Variants in PCLO observed in about 807,000 individuals in gnomAD.
The protein encoded by PCLO is piccolo presynaptic cytomatrix protein, also known as protein piccolo.
Under a neutral mutation model 427.5 loss-of-function variants are expected in PCLO, and 82 were observed. The ratio of observed to expected loss-of-function variants is 0.19; its 90% CI spans 0.16 to 0.23. The LOEUF is 0.23. Ranked by LOEUF, PCLO falls within the 10% of genes least tolerant of loss-of-function variation. PCLO has a pLI of 1.00. For missense variants in PCLO, 6,239 were observed against 6,115.9 expected, an observed-to-expected ratio of 1.02 and a Z score of -0.67; for synonymous variants, 2,357 against 2,155.4, an observed-to-expected ratio of 1.09 and a Z score of -2.59.
rs528267525 is a variant in PCLO, at chr7:82,776,157, T to C, written c.15008-14664A>G. On this transcript the variant is annotated intron_variant, in intron 22 of 24. Transcript: ENST00000333891. ...TTTCCCTTGCAATTTTTATGTACCT[T>C]TGCATCTAATTTCATTTTCTTTTCA... Among the ~76,000 whole-genome samples the C allele has an allele frequency of 6.8e-4, 104 of 152,340 alleles. 1 individual carries two copies. Among genetic ancestry groups the C allele is most frequent in the African/African-American group, 2.4e-3 (99 of 41,580 alleles).
At chr7:83,053,706 T>C (rs1374406017) in intron 3 of PCLO, among the ~76,000 whole-genome samples, 1 of 151,960 alleles carries the variant, frequency 6.6e-6, no homozygotes, top group East Asian at 1.9e-4. Context: ...TCTAAATCCA[T>C]CTAATTATTC....
At chr7:82,967,245 G>C (rs138458993) in intron 3 of PCLO, among the ~76,000 whole-genome samples, 1 of 141,416 alleles carries the variant, frequency 7.1e-6, no homozygotes, top group African/African-American at 2.6e-5. Context: ...GTGCGATCTC[G>C]GCTCGCTGCA....
At chr7:82,963,467 G>A (rs1273906666) in intron 4 of PCLO, among the ~76,000 whole-genome samples, 1 of 151,624 alleles carries the variant, frequency 6.6e-6, no homozygotes, top group Non-Finnish European at 1.5e-5. Context: ...AAAAAAAAAG[G>A]TAGCAATACA....
At chr7:83,002,817 C>G (rs965976647) in intron 3 of PCLO, among the ~76,000 whole-genome samples, 1 of 151,810 alleles carries the variant, frequency 6.6e-6, no homozygotes, top group African/African-American at 2.4e-5. Flanking sequence ...TAAATATTTA[C>G]TATGCAAATA....
intron 3 of PCLO, among the ~76,000 whole-genome samples, chr7:83,001,712 T>G (rs1206957825): frequency 6.6e-6 from 1 of 152,076 alleles, no homozygotes; most frequent in Non-Finnish European, 1.5e-5. Flanking sequence ...TGGCCTCATG[T>G]GCATGTCTGC....
intron 3 of PCLO, among the ~76,000 whole-genome samples, chr7:83,124,340 C>T (rs1451290893): frequency 1.5e-5 from 2 of 135,352 alleles, no homozygotes; most frequent in Non-Finnish European, 1.5e-5. Flanking sequence ...GGCGGAAGAG[C>T]GAGACTCCGT....
At chr7:82,763,055 G>C (rs1347787530) in intron 22 of PCLO, among the ~76,000 whole-genome samples, 1 of 152,004 alleles carries the variant, frequency 6.6e-6, no homozygotes. Flanking sequence ...TTGTATTTTG[G>C]TATGTGGCAT....
intron 3 of PCLO, among the ~76,000 whole-genome samples, chr7:83,130,513 G>C (rs1416667078): frequency 3.3e-5 from 5 of 152,110 alleles, no homozygotes; most frequent in Non-Finnish European, 7.3e-5. Context: ...CTAATTAATG[G>C]TAGAATTCTT....
At chr7:82,974,717 T>A (rs542931037) in intron 3 of PCLO, among the ~76,000 whole-genome samples, 8 of 152,318 alleles carry the variant, frequency 5.3e-5, no homozygotes, top group African/African-American at 1.4e-4. Context: ...AGTTAATTTT[T>A]AAAATGTAAT....
chr7:82,881,561 G>A (rs1475960156), intron 9 of PCLO, among the ~76,000 whole-genome samples: 1 of 152,106 alleles, frequency 6.6e-6, no homozygotes, highest in African/African-American at 2.4e-5. Flanking sequence ...TGACAATCCT[G>A]TGAGAAATGA....
At chr7:82,912,276 T>C (rs1212704427) in intron 7 of PCLO, among the ~76,000 whole-genome samples, 2 of 151,878 alleles carry the variant, frequency 1.3e-5, no homozygotes, top group East Asian at 1.9e-4. Context: ...GAATTATTGA[T>C]TGGAAAAAAG....
Position 83,134,794 on chromosome 7 carries a change from T to C in PCLO, c.2756A>G (p.Gln919Arg). 1 of 1,613,846 alleles carries C rather than the reference T, an allele frequency of 6.2e-7. No homozygotes were observed. Among genetic ancestry groups the C allele is most frequent in the Non-Finnish European group, 8.5e-7 (1 of 1,179,856 alleles). ...CACGGTCTCTTGAGGAGTTGTAGGC[T>C]GTGATTTGGGGGCATCAGTAATACT... is the stretch of plus-strand genomic sequence containing the variant. Reference protein sequence around the residue: ...LGSITDAPKSQPTTPQETVTG... With the variant: ...LGSITDAPKSRPTTPQETVTG... The change falls in exon 3 of 25, where the codon CAG becomes CGG. Residue 919 changes from glutamine to arginine, a missense_variant. Physicochemically the swap from Gln to Arg is conservative, Grantham distance 43. Around this residue, in one of 5 missense-constraint regions of PCLO, gnomAD observed 4,677 missense variants for 4,468.4 expected, o/e 1.05. Transcript: ENST00000333891.
At chr7:82,928,459 T>A (rs1794765243) in intron 6 of PCLO, among the ~76,000 whole-genome samples, 2 of 152,124 alleles carry the variant, frequency 1.3e-5, no homozygotes, top group South Asian at 4.1e-4. Flanking sequence ...TGCAGTGGCA[T>A]GACCTCCACC....
intron 3 of PCLO, among the ~76,000 whole-genome samples, chr7:83,093,479 T>TAG (rs1790436713): frequency 1.3e-5 from 1 of 76,980 alleles, no homozygotes; most frequent in East Asian, 4.4e-4. Context: ...TGTGTATAGA[T>TAG]ATATATATAT....
At chr7:83,022,173 C>T (rs1361275594) in intron 3 of PCLO, among the ~76,000 whole-genome samples, 3 of 152,002 alleles carry the variant, frequency 2.0e-5, no homozygotes, top group South Asian at 2.1e-4. Context: ...GGTCTCCTCC[C>T]CCATGAAAGG....
chr7:83,074,028 A>G (rs192622274), intron 3 of PCLO, among the ~76,000 whole-genome samples: 1 of 152,070 alleles, frequency 6.6e-6, no homozygotes, highest in Admixed American at 6.6e-5. Flanking sequence ...ATACAAATTA[A>G]ACACATATAA....
chr7:83,134,920 G>GT lies in PCLO; in HGVS notation c.2629dup (p.Thr877AsnfsTer38). The GT allele has an allele frequency of 6.2e-7, 1 of 1,604,414 alleles. No individual in the cohort carries two copies. Among genetic ancestry groups the GT allele is most frequent in the Non-Finnish European group, 8.5e-7 (1 of 1,175,700 alleles). On this transcript the variant is annotated frameshift_variant, in exon 3 of 25. Transcript: ENST00000333891. LOFTEE classifies it high-confidence loss of function. ...AGCGGTAGGTCGTGGGCCAGGGGGT[G>GT]TTGGTGACCCTTTTGGCATTGGCTT...
At chr7:82,853,713 T>A (rs1332690847) in intron 10 of PCLO, among the ~76,000 whole-genome samples, 1 of 152,204 alleles carries the variant, frequency 6.6e-6, no homozygotes, top group Non-Finnish European at 1.5e-5. Flanking sequence ...GGTAGCTGAC[T>A]GTTGACATGT....
chr7:83,139,099 T>C (rs188546039), intron 2 of PCLO, among the ~76,000 whole-genome samples: 2 of 152,262 alleles, frequency 1.3e-5, no homozygotes, highest in East Asian at 3.9e-4. Flanking sequence ...CGTCATATTT[T>C]CTAACAGAAC....
Sources: gnomAD v4.1 joint callset for allele counts (sites outside exome capture counted in the v4.1 genomes callset) on GRCh38, gnomAD v4.1.1 for gene constraint, gnomAD v4.1.1 regional missense constraint, MANE v1.5 for transcripts, NCBI Gene and HGNC (gene_info 2026-07-23, HGNC 2026-07-21) for gene names.